The following SLC12A6 variants were observed in gnomAD, a reference collection of about 807,000 sequenced individuals.
The protein encoded by SLC12A6 is K-Cl cotransporter 3.
A neutral mutation model predicts 135.3 loss-of-function variants in SLC12A6; 66 were observed. The observed-to-expected ratio is 0.49, with a 90% CI of 0.40 to 0.60. The LOEUF is 0.60. SLC12A6 is among the 20% of genes least tolerant of loss of function. The pLI, the probability that SLC12A6 is intolerant of heterozygous loss-of-function variation, is 0.00. For synonymous variants in SLC12A6, 513 were observed against 508.8 expected (o/e 1.01, Z -0.11); for missense variants, 1,058 against 1,452.3 (o/e 0.73, Z 4.41).
rs71763739 is a variant in SLC12A6, at chr15:34,300,793, C to CAAA, written c.272-25407_272-25405dup. 5.2e-4 allele frequency among the ~76,000 whole-genome samples: 51 copies of CAAA among 98,762 alleles called. 1 individual carries two copies. Among genetic ancestry groups the CAAA allele is most frequent in the African/African-American group, 1.1e-3 (38 of 34,494 alleles). The allele number at this position is 98,762 out of a possible 152,430, so 64.8% of individuals were successfully genotyped here. ...CCTGGGAGACAGAGTGACTCCGTCTCAAAAAAAAAAAAAAAAAAAAAAGAA... is the reference window on the plus strand; with the variant it reads ...CCTGGGAGACAGAGTGACTCCGTCTCAAAAAAAAAAAAAAAAAAAAAAAAAGAA... On this transcript the variant is annotated intron_variant, in intron 2 of 25. Transcript: ENST00000354181.
rs1034215903 is a variant in SLC12A6, at chr15:34,250,673, G to T, written c.1549C>A (p.Pro517Thr). The T allele has an allele frequency of 6.2e-7, 1 of 1,605,488 alleles. No homozygotes were observed. Among genetic ancestry groups the T allele is most frequent in the Admixed American group, 1.7e-5 (1 of 60,004 alleles). The change falls in exon 12 of 26, where the codon CCG (proline) becomes ACG (threonine). Residue 517 changes from proline to threonine, a missense_variant. Pro to Thr is a conservative substitution (Grantham distance 38). This residue lies in a region of SLC12A6 where 297 missense variants were observed against 318.5 expected (regional missense o/e 0.93). Transcript: ENST00000354181. Reference protein sequence around the residue: ...GDLKDAQKSIPIGTILAILTT... With the variant: ...GDLKDAQKSITIGTILAILTT... ...AGGATGGCAAGGATAGTACCAATCG[G>T]AATAGACTTCTGAGCATCTTTCAGA...
At chr15:34,253,734 T>C (rs1892550213) in intron 9 of SLC12A6, among the ~76,000 whole-genome samples, 1 of 152,228 alleles carries the variant, frequency 6.6e-6, no homozygotes, top group Non-Finnish European at 1.5e-5. Flanking sequence ...CAAATAACAC[T>C]GAGTGCCAGC....
intron 2 of SLC12A6, among the ~76,000 whole-genome samples, chr15:34,300,905 T>C (rs868269771): frequency 6.6e-6 from 1 of 152,174 alleles, no homozygotes; most frequent in South Asian, 2.1e-4. Context: ...GTTTTAACGT[T>C]GCTGTGACAA....
At chr15:34,311,042 T>C (rs1442521198) in intron 2 of SLC12A6, among the ~76,000 whole-genome samples, 1 of 152,166 alleles carries the variant, frequency 6.6e-6, no homozygotes, top group Non-Finnish European at 1.5e-5. Context: ...CATAGTTTGC[T>C]CTCCTACCAT....
At chr15:34,276,646 A>C (rs1894315247) in intron 2 of SLC12A6, among the ~76,000 whole-genome samples, 1 of 152,208 alleles carries the variant, frequency 6.6e-6, no homozygotes, top group South Asian at 2.1e-4. Context: ...AACAATGGGA[A>C]AAAAAGTCAC....
rs535516075 is a variant in SLC12A6, at chr15:34,336,737, C to G, written c.-57G>C. ...GGAACCTCGCAAAATCTTCCTCTTA[C>G]GCTAGCTACTTTTGACTGCAATACA... On this transcript the variant is annotated 5_prime_UTR_variant, in exon 2 of 26. Coordinates refer to ENST00000354181, the MANE Select transcript of SLC12A6 (RefSeq NM_001365088.1). 6 of 1,424,322 alleles carry G rather than the reference C, an allele frequency of 4.2e-6. No homozygotes were observed. The highest frequency in any genetic ancestry group is 3.4e-5 in the Admixed American group (2 of 59,612). 88.2% of individuals were successfully genotyped at this position (1,424,322 alleles called of 1,614,324 possible). A position where few individuals can be genotyped will look rare whatever the true frequency, so the allele number is the denominator to read the frequency against.
intron 2 of SLC12A6, among the ~76,000 whole-genome samples, chr15:34,277,116 AACTTATCTT>A (rs1894348216): frequency 6.6e-6 from 1 of 152,146 alleles, no homozygotes; most frequent in African/African-American, 2.4e-5. Flanking sequence ...TTTTACTTTA[AACTTATCTT>A]ACTTCCCATC....
intron 2 of SLC12A6, among the ~76,000 whole-genome samples, chr15:34,299,005 C>T (rs969673185): frequency 6.6e-6 from 1 of 152,200 alleles, no homozygotes; most frequent in Non-Finnish European, 1.5e-5. Context: ...CCAAGTGACA[C>T]TGCCAGGAGA....
At chr15:34,280,075 T>C (rs958253348) in intron 2 of SLC12A6, among the ~76,000 whole-genome samples, 4 of 152,252 alleles carry the variant, frequency 2.6e-5, no homozygotes, top group African/African-American at 9.6e-5. Flanking sequence ...GTCAAGTTTT[T>C]CTGAAGAGCT....
chr15:34,263,813 C>T (rs1331977644), intron 3 of SLC12A6, among the ~76,000 whole-genome samples: 1 of 152,056 alleles, frequency 6.6e-6, no homozygotes, highest in Non-Finnish European at 1.5e-5. Flanking sequence ...TACTGGGTCA[C>T]ATCAAAGGGC....
intron 2 of SLC12A6, among the ~76,000 whole-genome samples, chr15:34,333,093 A>G (rs1180383439): frequency 6.6e-6 from 1 of 152,172 alleles, no homozygotes; most frequent in African/African-American, 2.4e-5. Context: ...TCAGAATAAG[A>G]TTCTAGATCA....
In SLC12A6 at chr15:34,233,830, A is replaced by G. The variant is rs1723496545; in HGVS notation, c.*51T>C. On this transcript the variant is annotated 3_prime_UTR_variant, in exon 26 of 26. Coordinates refer to ENST00000354181, the MANE Select transcript of SLC12A6 (RefSeq NM_001365088.1). ...TAGTAATGAGCTGGCACTTCCATGG[A>G]GGACGTAGGCCTTTTAAGAAAACAG... 3.2e-6 allele frequency: 3 copies of G among 939,388 alleles called. No homozygotes were observed. The highest frequency in any genetic ancestry group is 5.3e-6 in the Non-Finnish European group (3 of 564,018). 58.2% of individuals were successfully genotyped at this position (939,388 alleles called of 1,614,324 possible).
chr15:34,244,672 C>G (rs1350863590), intron 15 of SLC12A6, among the ~76,000 whole-genome samples: 1 of 152,198 alleles, frequency 6.6e-6, no homozygotes, highest in Non-Finnish European at 1.5e-5. Flanking sequence ...CTACCTTATG[C>G]CATCCCTCAA....
rs1440038626 is a variant in SLC12A6, at chr15:34,336,468, T to C, written c.213A>G (p.Ala71=). 6.2e-7 allele frequency: 1 copy of C among 1,613,968 alleles called. No homozygotes were observed. The highest frequency in any genetic ancestry group is 2.2e-5 in the East Asian group (1 of 44,880). The change falls in exon 2 of 26, where the codon GCA becomes GCG. Residue 71 remains alanine, a synonymous_variant. Transcript: ENST00000354181. ...CACTGGGTGGATCCAGTGCAACAGTTGCCAGCGAAGTGGTGGCCCCAGACA... is the reference window on the plus strand; with the variant it reads ...CACTGGGTGGATCCAGTGCAACAGTCGCCAGCGAAGTGGTGGCCCCAGACA... The part of the protein sequence containing the change: ...SEMSGATTSL[A]TVALDPPSDR...
At chr15:34,271,361 A>G (rs1432123945) in intron 3 of SLC12A6, among the ~76,000 whole-genome samples, 1 of 142,936 alleles carries the variant, frequency 7.0e-6, no homozygotes, top group African/African-American at 2.9e-5. Context: ...TTCCTAAGTA[A>G]GGTTGGCCTA....
intron 2 of SLC12A6, among the ~76,000 whole-genome samples, chr15:34,300,312 T>C (rs898177950): frequency 2.0e-5 from 3 of 152,018 alleles, no homozygotes; most frequent in Admixed American, 6.6e-5. Context: ...GAATGGAGGA[T>C]TGAGGTCTTA....
chr15:34,236,926 T>A, intron 22 of SLC12A6, 111 bp from the exon 23 acceptor site: 1 of 718,778 alleles, frequency 1.4e-6, no homozygotes, highest in Non-Finnish European at 2.5e-6. Context: ...ATCACTATAT[T>A]AACCTAAGCT....
At chr15:34,274,990 A>C (rs1894201384) in intron 3 of SLC12A6, among the ~76,000 whole-genome samples, 1 of 152,212 alleles carries the variant, frequency 6.6e-6, no homozygotes, top group African/African-American at 2.4e-5. Context: ...AAAGGGGATC[A>C]AAAGGCCAAG....
At chr15:34,320,780 G>C (rs1276342508) in intron 2 of SLC12A6, among the ~76,000 whole-genome samples, 5 of 147,804 alleles carry the variant, frequency 3.4e-5, no homozygotes, top group Non-Finnish European at 7.5e-5. Context: ...AGCCAGGCGT[G>C]GTGGCGGGCG....
Sources: gnomAD v4.1 joint callset for allele counts (sites outside exome capture counted in the v4.1 genomes callset) on GRCh38, gnomAD v4.1.1 for gene constraint, gnomAD v4.1.1 regional missense constraint, MANE v1.5 for transcripts, NCBI Gene and HGNC (gene_info 2026-07-23, HGNC 2026-07-21) for gene names.